Variants in TRIM34 observed in about 807,000 individuals in gnomAD.
The protein encoded by TRIM34 is E3 ubiquitin-protein ligase TRIM34.
A neutral mutation model predicts 38.1 loss-of-function variants in TRIM34; 41 were observed. The observed-to-expected ratio is 1.08, with a 90% CI of 0.84 to 1.40. The LOEUF is 1.40. TRIM34 is among the 40% of genes most tolerant of loss of function. TRIM34 has a pLI of 0.00. For synonymous variants in TRIM34, 200 were observed against 202.5 expected (o/e 0.99, Z 0.10); for missense variants, 556 against 571.4 (o/e 0.97, Z 0.27).
intron 4 of TRIM34, 48 bp downstream of exon 4, chr11:5,634,909 T>A: frequency 6.3e-7 from 1 of 1,580,636 alleles, no homozygotes; most frequent in South Asian, 1.1e-5. Flanking sequence ...AGTTCCCTCC[T>A]GTGTCCTTGC....
rs202234635 is a variant in TRIM34, at chr11:5,633,149, T to TC, written c.423+395_423+396insC. Reference sequence around the variant, plus strand: ...CACCATGCCCGGCCTTTTCTTTCTTTTTTTTTTTTTTTTTTTGTGAGCAAT... The same window carrying TC: ...CACCATGCCCGGCCTTTTCTTTCTTTCTTTTTTTTTTTTTTTTGTGAGCAAT... On this transcript the variant is annotated intron_variant, in intron 2 of 7. Transcript: ENST00000429814. Among the ~76,000 whole-genome samples the TC allele has an allele frequency of 1.9e-3, 268 of 140,860 alleles. 1 individual carries two copies. The highest frequency in any genetic ancestry group is 6.9e-3 in the East Asian group (34 of 4,948). The allele number at this position is 140,860 out of a possible 152,430, so 92.4% of individuals were successfully genotyped here.
At chr11:5,629,135 G>C (rs937867204) in intron 1 of TRIM34, among the ~76,000 whole-genome samples, 3 of 152,092 alleles carry the variant, frequency 2.0e-5, no homozygotes, top group Non-Finnish European at 2.9e-5. Flanking sequence ...AAATTAGTTG[G>C]GCGTGGTGGC....
chr11:5,634,150 G>T (rs1009998123), intron 3 of TRIM34, among the ~76,000 whole-genome samples: 5 of 152,140 alleles, frequency 3.3e-5, no homozygotes, highest in African/African-American at 1.2e-4. Context: ...GTGTTCCATT[G>T]CTCTTTTCCA....
At chr11:5,624,141 T>C (rs930553931), upstream of TRIM34, among the ~76,000 whole-genome samples, 4 of 152,212 alleles carry the variant, frequency 2.6e-5, no homozygotes, top group Non-Finnish European at 5.9e-5. Flanking sequence ...CAGCCCTTTC[T>C]GTCCAGGGCA....
Position 5,633,794 on chromosome 11 carries a change from C to G in TRIM34, c.424-10C>G, listed in dbSNP as rs1322735174. ...TATAGCTTGACTGTAGTGTGATTCC[C>G]TTCTCATAGGAGAAACTCCAGGCAG... On this transcript the variant is annotated splice_polypyrimidine_tract_variant and intron_variant, in intron 2 of 7. Transcript: ENST00000429814. 6.2e-7 allele frequency: 1 copy of G among 1,612,612 alleles called. No individual in the cohort carries two copies. Among genetic ancestry groups the G allele is most frequent in the Non-Finnish European group, 8.5e-7 (1 of 1,179,372 alleles).
chr11:5,636,858 A>G (rs1168359077), intron 4 of TRIM34, among the ~76,000 whole-genome samples: 1 of 152,186 alleles, frequency 6.6e-6, no homozygotes, highest in Non-Finnish European at 1.5e-5. Flanking sequence ...TTAAGATATA[A>G]TCTGTTGGCG....
At chr11:5,628,768 G>C (rs1284595515) in intron 1 of TRIM34, among the ~76,000 whole-genome samples, 1 of 151,612 alleles carries the variant, frequency 6.6e-6, no homozygotes, top group Non-Finnish European at 1.5e-5. Flanking sequence ...CACAGCTCAG[G>C]AGCCCAGAAG....
intron 4 of TRIM34, among the ~76,000 whole-genome samples, chr11:5,637,242 G>A (rs1442071034): frequency 6.6e-6 from 1 of 152,142 alleles, no homozygotes; most frequent in Non-Finnish European, 1.5e-5. Flanking sequence ...GAGAGTCCCT[G>A]TAACAGCTTT....
upstream of TRIM34, among the ~76,000 whole-genome samples, chr11:5,622,566 C>T (rs1415181564): frequency 2.6e-5 from 4 of 151,992 alleles, no homozygotes; most frequent in African/African-American, 9.7e-5. Context: ...TGCGGTGAGC[C>T]AAGATCATGC....
rs561461769 is a variant in TRIM34, at chr11:5,626,494, G to A, written c.-78+1434G>A. The stretch of plus-strand genomic sequence containing the variant: ...CATTTGAGTAGAATCTTAAGAATGC[G>A]AGGAAATTAAAGGCTTTAATGGTTT... On this transcript the variant is annotated intron_variant, in intron 1 of 7. Coordinates refer to ENST00000429814, the MANE Select transcript of TRIM34 (RefSeq NM_021616.6). The A allele has an allele frequency of 3.3e-5, 5 of 152,302 alleles. No homozygotes were observed. In the South Asian group the frequency reaches 1.0e-3, roughly 32 times the overall value. The allele number at this position is 152,302 out of a possible 1,614,324, so 9.4% of individuals were successfully genotyped here.
At chr11:5,624,891 C>A (rs1432201460), upstream of TRIM34, 1 of 152,310 alleles carries the variant, frequency 6.6e-6, no homozygotes, top group Non-Finnish European at 1.5e-5. Flanking sequence ...CCCCTTTTCT[C>A]TTCCTGACAG....
chr11:5,634,545 AT>A, intron 3 of TRIM34, 85 bp from the exon 4 acceptor site: 1 of 948,818 alleles, frequency 1.1e-6, no homozygotes, highest in East Asian at 2.8e-5. Flanking sequence ...ATATATATAT[AT>A]ATTTCCCTAC....
At chr11:5,642,634 T>C in intron 6 of TRIM34, 128 bp downstream of exon 6, 2 of 1,401,428 alleles carry the variant, frequency 1.4e-6, no homozygotes, top group Non-Finnish European at 1.9e-6. Flanking sequence ...AGGAATATTC[T>C]GTGGTGAAGA....
In TRIM34 at chr11:5,634,040, T is replaced by TG. The variant is rs1211183311; in HGVS notation, c.519+146dup. ...GTTCTCTTCTCTGTCCTGTCCCTGT[T>TG]GGGGGTGGAGGCTAGAAAGTGGACA... is the stretch of plus-strand genomic sequence containing the variant. On this transcript the variant is annotated intron_variant, in intron 3 of 7. Transcript: ENST00000429814. The TG allele has an allele frequency of 1.2e-5, 11 of 882,324 alleles. No homozygotes were observed. In the East Asian group the frequency reaches 3.0e-4, roughly 24 times the overall value. The allele number at this position is 882,324 out of a possible 1,614,324, so 54.7% of individuals were successfully genotyped here. A position where few individuals can be genotyped will look rare whatever the true frequency, so the allele number is the denominator to read the frequency against.
chr11:5,622,647 C>A (rs988068560), upstream of TRIM34, among the ~76,000 whole-genome samples: 9 of 151,414 alleles, frequency 5.9e-5, no homozygotes, highest in South Asian at 2.1e-4. Flanking sequence ...ATAAAAAAAA[C>A]CGGAAAAAAC....
intron 1 of TRIM34, chr11:5,626,522 C>T (rs1849243063): frequency 6.6e-6 from 1 of 152,120 alleles, no homozygotes; most frequent in Non-Finnish European, 1.5e-5. Flanking sequence ...AATGGTTTTT[C>T]CCACGGGCTT....
chr11:5,624,728 T>C (rs1849125290), upstream of TRIM34: 1 of 152,264 alleles, frequency 6.6e-6, no homozygotes, highest in Non-Finnish European at 1.5e-5. Context: ...AGCATTCCCC[T>C]AGTTAACAAC....
exon 8 of TRIM34, chr11:5,644,397 AAGTG>A (rs1237439940): frequency 1.0e-5 from 4 of 396,020 alleles, no homozygotes; most frequent in Non-Finnish European, 1.8e-5. Context: ...GATTGCTAAA[AAGTG>A]TGAGCTGTAG....
upstream of TRIM34, among the ~76,000 whole-genome samples, chr11:5,623,756 C>T (rs1363084024): frequency 6.6e-6 from 1 of 152,078 alleles, no homozygotes; most frequent in East Asian, 1.9e-4. Context: ...TAAAAGTAGT[C>T]AAAGCATATT....
Sources: gnomAD v4.1 joint callset for allele counts (sites outside exome capture counted in the v4.1 genomes callset) on GRCh38, gnomAD v4.1.1 for gene constraint, MANE v1.5 for transcripts, NCBI Gene and HGNC (gene_info 2026-07-23, HGNC 2026-07-21) for gene names.